Variants in IPO11 observed in about 807,000 individuals in gnomAD.
IPO11 encodes importin-11.
In IPO11, 66 loss-of-function variants were observed where a neutral mutation model predicts 143.2. That is an observed-to-expected ratio of 0.46 (90% CI 0.38 to 0.57). The LOEUF is 0.57. Among genes scored for constraint, IPO11 ranks in the 20% least tolerant of loss-of-function variants. IPO11 has a pLI of 0.00. For synonymous variants in IPO11, 385 were observed against 377.8 expected, an observed-to-expected ratio of 1.02 and a Z score of -0.22; for missense variants, 1,026 against 1,141.0, an observed-to-expected ratio of 0.90 and a Z score of 1.45.
intron 5 of IPO11, among the ~76,000 whole-genome samples, chr5:62,456,529 T>A (rs1462664190): frequency 6.6e-6 from 1 of 152,078 alleles, no homozygotes; most frequent in African/African-American, 2.4e-5. Context: ...CAAACATAGG[T>A]GTCTACAACC....
chr5:62,418,938 A>G (rs1013706362), intron 1 of IPO11: 48 of 1,496,168 alleles, frequency 3.2e-5, no homozygotes, highest in Non-Finnish European at 3.7e-5. Flanking sequence ...CGAGTTGCTT[A>G]AGGCTGGGAT....
At chr5:62,588,228 CT>C (rs1246651088) in intron 27 of IPO11, among the ~76,000 whole-genome samples, 2,507 of 144,464 alleles carry the variant, frequency 0.017, 35 homozygotes, top group African/African-American at 0.047. Flanking sequence ...TACCACTAAA[CT>C]TTTTTTTTTT....
chr5:62,489,244 T>C, intron 13 of IPO11, 58 bp from the exon 14 acceptor site: 2 of 1,011,338 alleles, frequency 2.0e-6, no homozygotes, highest in Non-Finnish European at 2.8e-6. Flanking sequence ...ATATAAATTT[T>C]TTAAAAAACT....
At chr5:62,529,661 G>A (rs1742478852) in intron 21 of IPO11, among the ~76,000 whole-genome samples, 1 of 152,218 alleles carries the variant, frequency 6.6e-6, no homozygotes, top group South Asian at 2.1e-4. Flanking sequence ...GGAACTGGAA[G>A]TAGACCCGTG....
intron 1 of IPO11, among the ~76,000 whole-genome samples, chr5:62,432,917 C>T (rs188425893): frequency 8.5e-5 from 13 of 152,124 alleles, no homozygotes; most frequent in South Asian, 2.1e-4. Flanking sequence ...TGGCGACTGA[C>T]GATGGATTTC....
intron 16 of IPO11, 92 bp downstream of exon 16, chr5:62,494,216 G>T: frequency 8.7e-7 from 1 of 1,152,830 alleles, no homozygotes. Flanking sequence ...TTTTCTTTAT[G>T]ATGTTTATGG....
intron 29 of IPO11, among the ~76,000 whole-genome samples, chr5:62,612,970 A>G (rs1334399140): frequency 6.6e-6 from 1 of 152,226 alleles, no homozygotes; most frequent in African/African-American, 2.4e-5. Flanking sequence ...GTGTTTTTGA[A>G]ATAGTGATAG....
chr5:62,601,631 T>C (rs1380797019), intron 28 of IPO11, 133 bp from the exon 29 acceptor site: 1 of 433,550 alleles, frequency 2.3e-6, no homozygotes, highest in Non-Finnish European at 4.0e-6. Flanking sequence ...AATTATCTAG[T>C]CTTTTTCTCA....
chr5:62,448,988 A>G (rs1228026288), intron 3 of IPO11, among the ~76,000 whole-genome samples: 1 of 152,204 alleles, frequency 6.6e-6, no homozygotes, highest in Non-Finnish European at 1.5e-5. Flanking sequence ...GATACCCAGA[A>G]TGAAAAACCT....
chr5:62,626,825 T>C (rs1200868188), intron 29 of IPO11, among the ~76,000 whole-genome samples: 2 of 152,216 alleles, frequency 1.3e-5, no homozygotes, highest in African/African-American at 4.8e-5. Context: ...TGGACAATTG[T>C]ATTTAAATGT....
chr5:62,500,056 G>A (rs887204657), intron 16 of IPO11, among the ~76,000 whole-genome samples: 5 of 152,130 alleles, frequency 3.3e-5, no homozygotes, highest in African/African-American at 9.7e-5. Flanking sequence ...AGGCCAAGGC[G>A]GGCAAATTGC....
At chr5:62,613,358 C>T (rs1330000852) in intron 29 of IPO11, among the ~76,000 whole-genome samples, 1 of 121,340 alleles carries the variant, frequency 8.2e-6, no homozygotes, top group African/African-American at 3.2e-5. Context: ...GTTTGGAGTG[C>T]AGTAGTGTGA....
At chr5:62,583,556 A>G (rs1163282709) in intron 27 of IPO11, among the ~76,000 whole-genome samples, 1 of 152,166 alleles carries the variant, frequency 6.6e-6, no homozygotes, top group African/African-American at 2.4e-5. Flanking sequence ...ATACAGTGGT[A>G]TTCATTAAAT....
chr5:62,479,100 C>T (rs76247884), intron 9 of IPO11, among the ~76,000 whole-genome samples: 3 of 152,114 alleles, frequency 2.0e-5, no homozygotes, highest in South Asian at 2.1e-4. Flanking sequence ...CACCACCCCA[C>T]GGCAGGCCCC....
At chr5:62,423,262 G>A (rs1290219121) in intron 1 of IPO11, among the ~76,000 whole-genome samples, 1 of 151,926 alleles carries the variant, frequency 6.6e-6, no homozygotes, top group African/African-American at 2.4e-5. Flanking sequence ...TACCTTTTCT[G>A]TCTTCTGTCT....
chr5:62,555,337 CAG>C (rs1471699996), intron 26 of IPO11, among the ~76,000 whole-genome samples: 1 of 151,036 alleles, frequency 6.6e-6, no homozygotes, highest in Non-Finnish European at 1.5e-5. Flanking sequence ...TTTTGAGAGA[CAG>C]AGTCTCACTC....
chr5:62,549,621 G>T (rs1165795377), intron 24 of IPO11, among the ~76,000 whole-genome samples: 1 of 152,160 alleles, frequency 6.6e-6, no homozygotes, highest in East Asian at 1.9e-4. Context: ...CAAGCACTTA[G>T]GCTGGAAGTG....
chr5:62,514,581 G>A (rs1741930484), intron 19 of IPO11, among the ~76,000 whole-genome samples: 1 of 141,786 alleles, frequency 7.1e-6, no homozygotes, highest in Admixed American at 6.9e-5. Flanking sequence ...GGGAGACCGT[G>A]GAAAGGAGAG....
intron 22 of IPO11, among the ~76,000 whole-genome samples, chr5:62,534,762 A>C (rs988084913): frequency 2.0e-4 from 30 of 152,236 alleles, no homozygotes; most frequent in African/African-American, 7.0e-4. Flanking sequence ...GATGATAGTG[A>C]TGACAAAAAT....
Sources: gnomAD v4.1 joint callset for allele counts (sites outside exome capture counted in the v4.1 genomes callset) on GRCh38, gnomAD v4.1.1 for gene constraint, MANE v1.5 for transcripts, NCBI Gene and HGNC (gene_info 2026-07-23, HGNC 2026-07-21) for gene names.